The following GATA1 variants were observed in gnomAD, a reference collection of about 807,000 sequenced individuals.
GATA1 encodes GATA binding protein 1.
In GATA1, 2 loss-of-function variants were observed where a neutral mutation model predicts 18.9. The ratio of observed to expected loss-of-function variants is 0.11; its 90% CI spans 0.04 to 0.33. The LOEUF (loss-of-function observed/expected upper bound fraction) is 0.33. Among genes scored for constraint, GATA1 ranks in the 10% least tolerant of loss-of-function variants. The pLI is 1.00. For missense variants in GATA1, 272 were observed against 344.7 expected, an observed-to-expected ratio of 0.79 and a Z score of 1.67; for synonymous variants, 152 against 149.1, an observed-to-expected ratio of 1.02 and a Z score of -0.14.
Position 48,789,741 on chromosome X carries a change from C to A in GATA1, c.-19-1350C>A, listed in dbSNP as rs900525956. Among the ~76,000 whole-genome samples the A allele has an allele frequency of 6.3e-5, 7 of 110,915 alleles. No individual in the cohort carries two copies. The East Asian group carries it at 1.4e-3, about 23-fold the overall frequency. ...AGCAGTGGGGGGTACTGACCCCCCC[C>A]CAACCAAGAAGTAGGGAGGAACTAA... is the stretch of plus-strand genomic sequence containing the variant. On this transcript the variant is annotated intron_variant, in intron 1 of 5. Transcript: ENST00000376670.
rs782009481 is a variant in GATA1, at chrX:48,793,148, A to C, written c.745-24A>C. ...CCACTTCCACATCCCCAGGGCACTG[A>C]TCTCACATCCTGTCGTCCCCTAGAT... On this transcript the variant is annotated intron_variant, in intron 4 of 5. Coordinates refer to ENST00000376670, the MANE Select transcript of GATA1 (RefSeq NM_002049.4). 8.3e-6 allele frequency: 10 copies of C among 1,206,178 alleles called. No homozygotes were observed. In the African/African-American group the frequency reaches 1.8e-4, roughly 21 times the overall value.
rs1030178080 is a variant in GATA1 at position 48,793,596 on chromosome X, C to T, written c.871-197C>T. On this transcript the variant is annotated intron_variant, in intron 5 of 5. Transcript: ENST00000376670. ...CATCAGCTAATGTCCAACCCCCTGC[C>T]CTAGACCTTGGGCAGCTCCTATCAG... 4.6e-5 allele frequency among the ~76,000 whole-genome samples: 5 copies of T among 108,204 alleles called. No homozygotes were observed. The Admixed American group carries it at 4.9e-4, about 11-fold the overall frequency. 94.0% of individuals were successfully genotyped at this position (108,204 alleles called of 115,157 possible).
chrX:48,788,347 A>G (rs988481415), intron 1 of GATA1, among the ~76,000 whole-genome samples: 1 of 110,703 alleles, frequency 9.0e-6, no homozygotes, highest in Non-Finnish European at 1.9e-5. Context: ...ACAGAGACAG[A>G]CAGATGGCCG....
Position 48,794,014 on chromosome X carries a change from C to G in GATA1, c.1092C>G (p.Tyr364Ter), listed in dbSNP as rs1557020612. The G allele has an allele frequency of 1.7e-6, 2 of 1,211,094 alleles. No individual in the cohort carries two copies. The highest frequency in any genetic ancestry group is 2.2e-6 in the Non-Finnish European group (2 of 895,072). The change falls in exon 6 of 6, where the codon TAC (tyrosine) becomes TAG (stop). Residue 364 changes from tyrosine (Y) to a stop codon, truncating the protein, a stop_gained. Transcript: ENST00000376670. LOFTEE classifies it high-confidence loss of function. ...GCCCCCCAGGTACTGCCCATCTCTA[C>G]CAAGGCCTGGGCCCTGTGGTGCTGT... ...TLGPPGTAHL[Y>*]QGLGPVVLSG... is the part of the protein sequence containing the mutation.
chrX:48,787,623 T>C (rs782169621), intron 1 of GATA1, among the ~76,000 whole-genome samples: 8 of 110,979 alleles, frequency 7.2e-5, no homozygotes, highest in Non-Finnish European at 1.3e-4. Context: ...ACCTCGTCTG[T>C]TTTCACAACC....
Position 48,792,097 on chromosome X carries a change from C to T in GATA1, c.474C>T (p.Val158=). 1 of 1,211,856 alleles carries T rather than the reference C, an allele frequency of 8.3e-7. No homozygotes were observed. The highest frequency in any genetic ancestry group is 1.1e-6 in the Non-Finnish European group (1 of 895,414). Reference sequence around the variant, plus strand: ...CTGCACTGCCTTCATCACTCCCTGTCCCCAATAGTGCTTATGGGGGCCCTG... The same window carrying T: ...CTGCACTGCCTTCATCACTCCCTGTTCCCAATAGTGCTTATGGGGGCCCTG... ...LGPALPSSLP[V]PNSAYGGPDF... The change falls in exon 3 of 6, where the codon GTC becomes GTT. Residue 158 remains valine (V), a synonymous_variant. Coordinates refer to ENST00000376670, the MANE Select transcript of GATA1 (RefSeq NM_002049.4).
chrX:48,786,877 T>A (rs916464442), intron 1 of GATA1, among the ~76,000 whole-genome samples: 5 of 110,399 alleles, frequency 4.5e-5, no homozygotes, highest in Non-Finnish European at 9.5e-5. Flanking sequence ...GTCCAAGATA[T>A]CTATATCCTC....
intron 1 of GATA1, among the ~76,000 whole-genome samples, chrX:48,789,263 C>T (rs1232321899): frequency 9.5e-6 from 1 of 104,722 alleles, no homozygotes; most frequent in African/African-American, 3.5e-5. Flanking sequence ...GCTGAGATCG[C>T]ACCACTGCAC....
Position 48,793,925 on chromosome X carries a change from A to G in GATA1, c.1003A>G (p.Met335Val). The G allele has an allele frequency of 7.5e-6, 9 of 1,205,831 alleles. No homozygotes were observed. The highest frequency in any genetic ancestry group is 1.0e-5 in the Non-Finnish European group (9 of 892,137). Reference protein sequence around the residue: ...GAAEGPAGGFMVVAGGSGSGN... With the variant: ...GAAEGPAGGFVVVAGGSGSGN... ...AGCCGAAGGACCAGCTGGTGGCTTT[A>G]TGGTGGTGGCTGGGGGCAGCGGTAG... The change falls in exon 6 of 6, where the codon ATG becomes GTG. Residue 335 changes from methionine to valine, a missense_variant. Met to Val is a conservative substitution (Grantham distance 21). This residue lies in a region of GATA1 where 83 missense variants were observed against 84.2 expected (regional missense o/e 0.99). Transcript: ENST00000376670.
chrX:48,790,814 G>A (rs183159954), intron 1 of GATA1, among the ~76,000 whole-genome samples: 7 of 101,856 alleles, frequency 6.9e-5, no homozygotes, highest in Admixed American at 4.3e-4. Flanking sequence ...AAAGACAAAC[G>A]GCAAGAGGGG....
At chrX:48,790,799 A>G (rs1178289001) in intron 1 of GATA1, among the ~76,000 whole-genome samples, 8 of 100,948 alleles carry the variant, frequency 7.9e-5, no homozygotes, top group African/African-American at 2.9e-4. Flanking sequence ...AGGAGGGAGG[A>G]GAGGAAAGAC....
At chrX:48,789,226 G>A (rs1470561838) in intron 1 of GATA1, among the ~76,000 whole-genome samples, 1 of 109,138 alleles carries the variant, frequency 9.2e-6, no homozygotes, top group Non-Finnish European at 1.9e-5. Flanking sequence ...AGAATCACTT[G>A]AACCTGGGAG....
At chrX:48,789,136 G>C (rs936052509) in intron 1 of GATA1, among the ~76,000 whole-genome samples, 2 of 111,102 alleles carry the variant, frequency 1.8e-5, no homozygotes, top group African/African-American at 6.5e-5. Flanking sequence ...GCAAAACCTC[G>C]TCTTTACTAA....
intron 2 of GATA1, among the ~76,000 whole-genome samples, 173 bp downstream of exon 2, chrX:48,791,502 T>C (rs1045538612): frequency 1.1e-4 from 12 of 112,129 alleles, no homozygotes; most frequent in Admixed American, 3.8e-4. Flanking sequence ...GGAATTCCAA[T>C]GCTCCTCAAC....
At position 48,794,139 on chromosome X, in the gene GATA1, C is replaced by T. The variant is rs1316792784; in HGVS notation, c.1217C>T (p.Thr406Ile). 1 of 1,181,265 alleles carries T rather than the reference C, an allele frequency of 8.5e-7. No individual in the cohort carries two copies. The highest frequency in any genetic ancestry group is 1.1e-6 in the Non-Finnish European group (1 of 879,796). Residue 406 changes from threonine to isoleucine, a missense_variant, in exon 6 of 6, where the codon ACT (threonine) becomes ATT (isoleucine). This residue lies in a region of GATA1 where 83 missense variants were observed against 84.2 expected (regional missense o/e 0.99). Transcript: ENST00000376670. ...CCCATGCCCCCCACCACCAGCACTA[C>T]TGTGGTGGCTCCGCTCAGCTCATGA... The part of the protein sequence containing the change: ...TGPMPPTTST[T>I]VVAPLSS
intron 5 of GATA1, among the ~76,000 whole-genome samples, chrX:48,793,541 C>A (rs782555228): frequency 9.5e-6 from 1 of 104,996 alleles, no homozygotes; most frequent in South Asian, 4.5e-4. Context: ...CTCCGCCCTC[C>A]TCCTTCCTCT....
chrX:48,789,124 T>C (rs904709638), intron 1 of GATA1, among the ~76,000 whole-genome samples: 1 of 111,298 alleles, frequency 9.0e-6, no homozygotes, highest in East Asian at 2.9e-4. Flanking sequence ...CTGGCCAACA[T>C]GGCAAAACCT....
At chrX:48,790,584 AAAG>A (rs1366651606) in intron 1 of GATA1, among the ~76,000 whole-genome samples, 1 of 108,451 alleles carries the variant, frequency 9.2e-6, no homozygotes. Context: ...TCAAGGAGGA[AAAG>A]AAGAAGGTGG....
Position 48,791,264 on chromosome X carries a change from C to T in GATA1, c.155C>T (p.Thr52Ile). The change falls in exon 2 of 6, where the codon ACA becomes ATA. Residue 52 changes from threonine (T) to isoleucine (I), a missense_variant. By Grantham distance (89) the Thr-to-Ile change is moderately conservative. Transcript: ENST00000376670. ...DAAASSTAPS[T>I]ATAAAAALAY... ...GCAGCTTCCTCCACTGCCCCGAGCA[C>T]AGCCACCGCTGCAGCTGCGGCACTG... 8.3e-7 allele frequency: 1 copy of T among 1,207,058 alleles called. No individual in the cohort carries two copies. Among genetic ancestry groups the T allele is most frequent in the Non-Finnish European group, 1.1e-6 (1 of 893,269 alleles).
Sources: gnomAD v4.1 joint callset for allele counts (sites outside exome capture counted in the v4.1 genomes callset) on GRCh38, gnomAD v4.1.1 for gene constraint, gnomAD v4.1.1 regional missense constraint, MANE v1.5 for transcripts, NCBI Gene and HGNC (gene_info 2026-07-23, HGNC 2026-07-21) for gene names.